NOL4: variants seen among roughly 807,000 people sequenced by gnomAD.
NOL4 encodes cancer/testis antigen 125.
Under a neutral mutation model 75.9 loss-of-function variants are expected in NOL4, and 17 were observed. The ratio of observed to expected loss-of-function variants is 0.22; its 90% CI spans 0.15 to 0.34. The LOEUF (loss-of-function observed/expected upper bound fraction) is 0.34, where lower values mean the gene tolerates loss of function less well. Among genes scored for constraint, NOL4 ranks in the 10% least tolerant of loss-of-function variants. The pLI is 1.00. For missense variants in NOL4, 614 were observed against 793.5 expected (o/e 0.77, Z 2.72); for synonymous variants, 292 against 289.9 (o/e 1.01, Z -0.07).
intron 9 of NOL4, among the ~76,000 whole-genome samples, chr18:33,911,136 C>A (rs2066373767): frequency 6.6e-6 from 1 of 150,954 alleles, no homozygotes; most frequent in African/African-American, 2.4e-5. Flanking sequence ...ATATGTGCTC[C>A]TCCCCCCCAC....
intron 9 of NOL4, among the ~76,000 whole-genome samples, chr18:33,906,794 G>A (rs2066073722): frequency 6.6e-6 from 1 of 151,996 alleles, no homozygotes; most frequent in Non-Finnish European, 1.5e-5. Context: ...GGAGAAAAAA[G>A]ATGATATTTT....
intron 9 of NOL4, among the ~76,000 whole-genome samples, chr18:33,902,885 T>A (rs1362748192): frequency 6.6e-6 from 1 of 152,172 alleles, no homozygotes; most frequent in Non-Finnish European, 1.5e-5. Context: ...TTAAAATTTC[T>A]ACATGTATGT....
intron 1 of NOL4, among the ~76,000 whole-genome samples, chr18:34,144,833 T>C (rs547375051): frequency 1.1e-4 from 16 of 152,276 alleles, no homozygotes; most frequent in African/African-American, 3.1e-4. Flanking sequence ...AAGGCTGACA[T>C]GCAGTTCTCC....
At chr18:34,123,276 T>C (rs886828229) in intron 2 of NOL4, among the ~76,000 whole-genome samples, 7 of 151,684 alleles carry the variant, frequency 4.6e-5, no homozygotes, top group African/African-American at 1.4e-4. Flanking sequence ...TGTTTTAGGA[T>C]TGCTAGTTAA....
intron 2 of NOL4, among the ~76,000 whole-genome samples, chr18:34,107,809 C>A (rs1451316762): frequency 6.6e-6 from 1 of 152,012 alleles, no homozygotes; most frequent in African/African-American, 2.4e-5. Flanking sequence ...TGTCCCCTCA[C>A]AGAAACATGA....
intron 10 of NOL4, among the ~76,000 whole-genome samples, chr18:33,880,194 T>C (rs2064176430): frequency 1.3e-5 from 2 of 152,110 alleles, no homozygotes; most frequent in Non-Finnish European, 2.9e-5. Flanking sequence ...AGTTTTTCTT[T>C]ATAGAAGACC....
chr18:34,131,039 C>T (rs938263106), intron 1 of NOL4, among the ~76,000 whole-genome samples: 15 of 149,250 alleles, frequency 1.0e-4, no homozygotes, highest in Admixed American at 3.4e-4. Context: ...TGCTTGCAAA[C>T]ACACACATAC....
intron 8 of NOL4, among the ~76,000 whole-genome samples, chr18:33,952,180 T>C (rs2069279601): frequency 6.6e-6 from 1 of 152,160 alleles, no homozygotes; most frequent in Non-Finnish European, 1.5e-5. Flanking sequence ...GAAGAGAACA[T>C]ACCCCATGAG....
chr18:33,932,222 A>G (rs1228160604), intron 9 of NOL4, among the ~76,000 whole-genome samples: 1 of 152,132 alleles, frequency 6.6e-6, no homozygotes. Flanking sequence ...CATTTTATAT[A>G]TATTTTTTAA....
At chr18:33,878,600 CTAAG>C (rs2064071759) in intron 10 of NOL4, among the ~76,000 whole-genome samples, 1 of 152,036 alleles carries the variant, frequency 6.6e-6, no homozygotes, top group African/African-American at 2.4e-5. Flanking sequence ...GCACTGTAAA[CTAAG>C]TGATTTCCTA....
intron 1 of NOL4, among the ~76,000 whole-genome samples, chr18:34,218,110 A>C (rs1600911413): frequency 2.0e-5 from 3 of 151,868 alleles, no homozygotes; most frequent in South Asian, 4.1e-4. Context: ...AAAAAAAAAA[A>C]AACAAAAAAC....
intron 6 of NOL4, among the ~76,000 whole-genome samples, chr18:34,015,958 A>G (rs1441551094): frequency 1.3e-5 from 2 of 152,104 alleles, no homozygotes; most frequent in Non-Finnish European, 2.9e-5. Context: ...AGAAACATCT[A>G]TGGACGAGAT....
At chr18:34,057,161 T>C (rs755794970) in intron 5 of NOL4, among the ~76,000 whole-genome samples, 2 of 152,164 alleles carry the variant, frequency 1.3e-5, no homozygotes, top group African/African-American at 4.8e-5. Flanking sequence ...CAGTTAAGCA[T>C]CACCTTAAGG....
At chr18:33,983,405 T>C (rs939547984) in intron 6 of NOL4, among the ~76,000 whole-genome samples, 7 of 147,944 alleles carry the variant, frequency 4.7e-5, no homozygotes, top group Non-Finnish European at 7.4e-5. Flanking sequence ...GGGATGTTGA[T>C]AGTAGAAGAG....
intron 10 of NOL4, among the ~76,000 whole-genome samples, chr18:33,863,668 G>A (rs558213949): frequency 1.4e-4 from 21 of 152,274 alleles, no homozygotes; most frequent in Admixed American, 2.0e-4. Flanking sequence ...TCATGGGCTG[G>A]CATTGAGTGA....
At chr18:34,122,214 G>C (rs1341205044) in intron 2 of NOL4, among the ~76,000 whole-genome samples, 1 of 152,072 alleles carries the variant, frequency 6.6e-6, no homozygotes, top group Non-Finnish European at 1.5e-5. Flanking sequence ...TGAGGGTGGA[G>C]GGGGAAATGG....
At chr18:34,090,300 A>C (rs2078450777) in intron 5 of NOL4, among the ~76,000 whole-genome samples, 1 of 152,176 alleles carries the variant, frequency 6.6e-6, no homozygotes, top group Non-Finnish European at 1.5e-5. Flanking sequence ...TGAAAGGAAA[A>C]CTTTAAGCAT....
In NOL4 at chr18:33,853,461, CTG is replaced by C. The variant is rs2062708144; in HGVS notation, c.1724-428_1724-427del. ...CGCATCAATTTGCAATTTAAAAAAACTGTGATGCTAATGACTTTAGAGTACAA... is the reference window on the plus strand; with the variant it reads ...CGCATCAATTTGCAATTTAAAAAAACTGATGCTAATGACTTTAGAGTACAA... On this transcript the variant is annotated intron_variant, in intron 10 of 10. Transcript: ENST00000261592. Among the ~76,000 whole-genome samples the C allele has an allele frequency of 2.6e-5, 4 of 152,034 alleles. No individual in the cohort carries two copies. The South Asian group carries it at 8.3e-4, about 31-fold the overall frequency.
At chr18:33,959,443 T>C (rs138726135) in intron 6 of NOL4, among the ~76,000 whole-genome samples, 1 of 152,174 alleles carries the variant, frequency 6.6e-6, no homozygotes, top group African/African-American at 2.4e-5. Flanking sequence ...AATCCAAGTA[T>C]ATGGTGTGAT....
Sources: allele counts gnomAD v4.1 joint callset (sites outside exome capture counted in the v4.1 genomes callset), GRCh38; gene constraint gnomAD v4.1.1; transcripts MANE v1.5; gene names NCBI Gene and HGNC (gene_info 2026-07-23, HGNC 2026-07-21).